The following ABLIM3 variants were observed in gnomAD, a reference collection of about 807,000 sequenced individuals.
The protein encoded by ABLIM3 is actin binding LIM protein family member 3, also known as actin-binding LIM protein 3.
ABLIM3 carries 61 observed loss-of-function variants against 109.5 expected under a neutral mutation model. That is an observed-to-expected ratio of 0.56 (90% confidence interval 0.45 to 0.69). The LOEUF (loss-of-function observed/expected upper bound fraction) is 0.69, where lower values mean the gene tolerates loss of function less well. Ranked by LOEUF, ABLIM3 falls within the 30% of genes least tolerant of loss-of-function variation. The pLI is 0.00. For synonymous variants in ABLIM3, 300 were observed against 324.8 expected, an observed-to-expected ratio of 0.92 and a Z score of 0.82; for missense variants, 796 against 889.5, an observed-to-expected ratio of 0.89 and a Z score of 1.34.
At chr5:149,192,581 G>A (rs1278837297) in intron 3 of ABLIM3, among the ~76,000 whole-genome samples, 7 of 148,640 alleles carry the variant, frequency 4.7e-5, no homozygotes, top group Middle Eastern at 3.5e-3. Context: ...AGCCAAGATC[G>A]GCCACTGCAC....
At position 149,200,169 on chromosome 5, in the gene ABLIM3, C is replaced by A; in HGVS notation, c.336-147C>A. 3 of 682,434 alleles carry A rather than the reference C, an allele frequency of 4.4e-6. No homozygotes were observed. In the South Asian group the frequency reaches 5.3e-5, roughly 12 times the overall value. The allele number at this position is 682,434 out of a possible 1,614,324, so 42.3% of individuals were successfully genotyped here. A position where few individuals can be genotyped will look rare whatever the true frequency, so the allele number is the denominator to read the frequency against. On this transcript the variant is annotated intron_variant, in intron 4 of 23. Coordinates refer to ENST00000309868, the MANE Select transcript of ABLIM3 (RefSeq NM_014945.5). ...GCCCCTAATTGAGCAGTTTAGTTGG[C>A]CTGTCACTGTGAACAGCATTTGAAT...
chr5:149,154,834 G>A (rs1427960291), intron 2 of ABLIM3, among the ~76,000 whole-genome samples: 1 of 152,146 alleles, frequency 6.6e-6, no homozygotes, highest in Non-Finnish European at 1.5e-5. Flanking sequence ...GCAGAGTGAT[G>A]ATCACTTATA....
intron 18 of ABLIM3, 38 bp downstream of exon 18, chr5:149,247,967 C>T (rs1336529496): frequency 6.3e-7 from 1 of 1,597,978 alleles, no homozygotes; most frequent in Non-Finnish European, 8.5e-7. Flanking sequence ...GGCGGGGACA[C>T]CTTTCTCTGT....
intron 2 of ABLIM3, among the ~76,000 whole-genome samples, chr5:149,168,056 C>G (rs987821212): frequency 6.6e-6 from 1 of 152,316 alleles, no homozygotes; most frequent in East Asian, 1.9e-4. Context: ...ATAGCACACG[C>G]ACACATACAC....
intron 2 of ABLIM3, among the ~76,000 whole-genome samples, chr5:149,153,162 C>T (rs1205489190): frequency 6.6e-6 from 1 of 152,108 alleles, no homozygotes; most frequent in Non-Finnish European, 1.5e-5. Flanking sequence ...ATTCCCAAGG[C>T]ACTTCAAAAT....
chr5:149,172,029 T>C (rs979373122), intron 2 of ABLIM3, among the ~76,000 whole-genome samples: 1 of 152,220 alleles, frequency 6.6e-6, no homozygotes, highest in Non-Finnish European at 1.5e-5. Context: ...TTTTTAAGTT[T>C]AATTAATTTT....
At chr5:149,162,766 T>G (rs1754491723) in intron 2 of ABLIM3, among the ~76,000 whole-genome samples, 1 of 152,178 alleles carries the variant, frequency 6.6e-6, no homozygotes, top group East Asian at 1.9e-4. Context: ...TTTTGACACT[T>G]TTCAGCTGCT....
Position 149,214,907 on chromosome 5 carries a change from G to A in ABLIM3, c.670-2052G>A, listed in dbSNP as rs78527273. Among the ~76,000 whole-genome samples the A allele has an allele frequency of 1.3e-3, 205 of 152,268 alleles. 2 individuals are homozygous for A. In the East Asian group the frequency reaches 0.031, roughly 23 times the overall value. ...CCTCTCAAATAGGGCTCTGTTTTGAGGGTACCAATTTTTTGCCATTTTTCT... is the reference window on the plus strand; with the variant it reads ...CCTCTCAAATAGGGCTCTGTTTTGAAGGTACCAATTTTTTGCCATTTTTCT... On this transcript the variant is annotated intron_variant, in intron 7 of 23. Coordinates refer to ENST00000309868, the MANE Select transcript of ABLIM3 (RefSeq NM_014945.5).
intron 6 of ABLIM3, among the ~76,000 whole-genome samples, chr5:149,208,517 G>A (rs570400163): frequency 2.6e-5 from 4 of 152,174 alleles, no homozygotes; most frequent in Non-Finnish European, 5.9e-5. Context: ...TAGCAAAGAA[G>A]ATTGCCAACA....
intron 3 of ABLIM3, among the ~76,000 whole-genome samples, chr5:149,185,761 TA>T (rs1284918576): frequency 2.0e-5 from 3 of 152,224 alleles, no homozygotes; most frequent in Non-Finnish European, 4.4e-5. Flanking sequence ...CTAAAGAATC[TA>T]AAAATTGTTA....
intron 2 of ABLIM3, among the ~76,000 whole-genome samples, chr5:149,152,309 G>A (rs1446415553): frequency 6.6e-6 from 1 of 152,180 alleles, no homozygotes; most frequent in African/African-American, 2.4e-5. Flanking sequence ...CATCAAATAT[G>A]TAGAAGTGAT....
intron 8 of ABLIM3, among the ~76,000 whole-genome samples, chr5:149,222,365 G>T (rs967367869): frequency 6.6e-6 from 1 of 152,080 alleles, no homozygotes; most frequent in Admixed American, 6.5e-5. Context: ...TAGGGTTCTT[G>T]GAGGCAATTT....
chr5:149,239,418 G>T, intron 12 of ABLIM3, 141 bp downstream of exon 12: 1 of 952,862 alleles, frequency 1.0e-6, no homozygotes, highest in Non-Finnish European at 1.7e-6. Context: ...AGAGACTCGG[G>T]TGCATGTCCT....
At chr5:149,176,865 T>G (rs1207643973) in intron 2 of ABLIM3, 2 of 152,186 alleles carry the variant, frequency 1.3e-5, no homozygotes, top group African/African-American at 4.8e-5. Context: ...AGACTTAGGA[T>G]AATGTAGCCT....
intron 6 of ABLIM3, among the ~76,000 whole-genome samples, chr5:149,210,163 C>T (rs1361698727): frequency 6.6e-6 from 1 of 152,218 alleles, no homozygotes; most frequent in Non-Finnish European, 1.5e-5. Flanking sequence ...GCTGAGTACT[C>T]AGTATGGCTA....
chr5:149,240,455 C>G (rs1399407505), intron 13 of ABLIM3: 1 of 581,598 alleles, frequency 1.7e-6, no homozygotes, highest in Non-Finnish European at 3.1e-6. Context: ...CAAAATCTGA[C>G]TTTGGGATCA....
rs961045222 is a variant in ABLIM3, at chr5:149,251,265, CA to C, written c.1789-92del. The C allele has an allele frequency of 3.0e-5, 42 of 1,422,060 alleles. No individual in the cohort carries two copies. In the African/African-American group the frequency reaches 4.8e-4, roughly 16 times the overall value. 88.1% of individuals were successfully genotyped at this position (1,422,060 alleles called of 1,614,324 possible). ...GCTGCTGAGAAGGCCCTATGTCCCA[CA>C]AGCGCCAGTCCATTTTCTGGAGGTG... On this transcript the variant is annotated intron_variant, in intron 20 of 23. Transcript: ENST00000309868.
At chr5:149,168,086 C>T (rs1028980902) in intron 2 of ABLIM3, among the ~76,000 whole-genome samples, 2 of 152,138 alleles carry the variant, frequency 1.3e-5, no homozygotes, top group African/African-American at 4.8e-5. Context: ...TTGTGACAAC[C>T]AAAAATGTCT....
At chr5:149,152,934 T>TC (rs989101588) in intron 2 of ABLIM3, among the ~76,000 whole-genome samples, 2 of 152,216 alleles carry the variant, frequency 1.3e-5, no homozygotes, top group Admixed American at 6.5e-5. Flanking sequence ...GGCAGATTCT[T>TC]CCTTATTCCT....
Sources: allele counts gnomAD v4.1 joint callset (sites outside exome capture counted in the v4.1 genomes callset), GRCh38; gene constraint gnomAD v4.1.1; transcripts MANE v1.5; gene names NCBI Gene and HGNC (gene_info 2026-07-23, HGNC 2026-07-21).